The following NCS1 variants were observed in gnomAD, a reference collection of about 807,000 sequenced individuals.
NCS1 encodes the protein frequenin homolog.
NCS1 carries 6 observed loss-of-function variants against 28.4 expected under a neutral mutation model. The observed-to-expected ratio is 0.21, with a 90% CI of 0.12 to 0.42. The LOEUF (loss-of-function observed/expected upper bound fraction) is 0.42. NCS1 is among the 10% of genes least tolerant of loss of function. NCS1 has a pLI of 1.00. For synonymous variants in NCS1, 86 were observed against 99.3 expected, an observed-to-expected ratio of 0.87 and a Z score of 0.79; for missense variants, 131 against 241.4, an observed-to-expected ratio of 0.54 and a Z score of 3.03.
intron 1 of NCS1, chr9:130,200,546 C>T (rs897324023): frequency 4.5e-6 from 7 of 1,551,186 alleles, no homozygotes; most frequent in East Asian, 2.4e-5. Flanking sequence ...GTGGGGCAGC[C>T]GAGTGCCTGG....
At chr9:130,197,967 G>GAA (rs35362310) in intron 1 of NCS1, among the ~76,000 whole-genome samples, 6 of 124,598 alleles carry the variant, frequency 4.8e-5, no homozygotes, top group Non-Finnish European at 1.0e-4. Context: ...TTTGTCTCCA[G>GAA]AAAAAAAAAA....
At chr9:130,213,990 C>T (rs1242145401) in intron 2 of NCS1, among the ~76,000 whole-genome samples, 1 of 152,252 alleles carries the variant, frequency 6.6e-6, no homozygotes, top group Non-Finnish European at 1.5e-5. Context: ...GCCAACTGGG[C>T]TCTTGTTCCC....
At position 130,223,102 on chromosome 9, in the gene NCS1, A is replaced by T; in HGVS notation, c.417A>T (p.Pro139=). 2 of 1,606,948 alleles carry T rather than the reference A, an allele frequency of 1.2e-6. No individual in the cohort carries two copies. The highest frequency in any genetic ancestry group is 8.5e-7 in the Non-Finnish European group (1 of 1,175,660). The change falls in exon 6 of 8, where the codon CCA becomes CCT. Residue 139 remains proline (P), a synonymous_variant. Coordinates refer to ENST00000372398, the MANE Select transcript of NCS1 (RefSeq NM_014286.4). Reference sequence around the variant, plus strand: ...TGCAGGGGAATACCGTGGAGCTCCCAGAGGAGGAGAACACTCCTGAGAAGA... The same window carrying T: ...TGCAGGGGAATACCGTGGAGCTCCCTGAGGAGGAGAACACTCCTGAGAAGA... The part of the protein sequence containing the change: ...YQMVGNTVEL[P]EEENTPEKRV...
intron 2 of NCS1, among the ~76,000 whole-genome samples, chr9:130,207,518 AGAG>A (rs1833042148): frequency 6.6e-6 from 1 of 152,136 alleles, no homozygotes; most frequent in South Asian, 2.1e-4. Flanking sequence ...AGCTGCTCAG[AGAG>A]GAGGTCCCTG....
intron 4 of NCS1, among the ~76,000 whole-genome samples, chr9:130,221,377 C>CAT (rs370084084): frequency 1.2e-4 from 10 of 84,720 alleles, no homozygotes; most frequent in African/African-American, 3.2e-4. Context: ...TATAAAATAT[C>CAT]ATATATATAT....
intron 4 of NCS1, among the ~76,000 whole-genome samples, chr9:130,221,393 TATATATATATATATATATATAG>T (rs1445888793): frequency 8.3e-4 from 47 of 56,682 alleles, no homozygotes; most frequent in South Asian, 6.2e-3. Flanking sequence ...TATATATATA[TATATATATATATATATATATAG>T]AGAGAGAGAG....
chr9:130,227,537 G>T (rs1554911574), intron 7 of NCS1, among the ~76,000 whole-genome samples: 1 of 152,206 alleles, frequency 6.6e-6, no homozygotes, highest in Admixed American at 6.5e-5. Context: ...GAGAGTTCCA[G>T]TTGCTCCACA....
intron 1 of NCS1, among the ~76,000 whole-genome samples, chr9:130,193,572 T>C (rs528729804): frequency 6.6e-6 from 1 of 151,898 alleles, no homozygotes; most frequent in South Asian, 2.1e-4. Context: ...GGCGATCCCT[T>C]TGGGCCACGT....
At chr9:130,182,087 T>C (rs1832666962) in intron 1 of NCS1, among the ~76,000 whole-genome samples, 1 of 151,770 alleles carries the variant, frequency 6.6e-6, no homozygotes, top group Non-Finnish European at 1.5e-5. Context: ...ACGACCACCG[T>C]TTACCCAGTG....
chr9:130,212,510 C>G (rs893826537), intron 2 of NCS1, among the ~76,000 whole-genome samples: 1 of 149,058 alleles, frequency 6.7e-6, no homozygotes, highest in African/African-American at 2.5e-5. Flanking sequence ...GTATGAGCCA[C>G]TTACTTTACT....
intron 4 of NCS1, among the ~76,000 whole-genome samples, chr9:130,220,136 C>T (rs1554910028): frequency 6.6e-6 from 1 of 152,188 alleles, no homozygotes; most frequent in African/African-American, 2.4e-5. Context: ...CTGGCAGGAG[C>T]CTTGGCTGCA....
chr9:130,223,072 G>A lies in NCS1; in HGVS notation c.397-10G>A, dbSNP rs782767830. 13 of 1,613,188 alleles carry A rather than the reference G, an allele frequency of 8.1e-6. No homozygotes were observed. Among genetic ancestry groups the A allele is most frequent in the African/African-American group, 1.3e-5 (1 of 74,992 alleles). On this transcript the variant is annotated splice_polypyrimidine_tract_variant and intron_variant, in intron 5 of 7. Transcript: ENST00000372398. ...GCCAGGGCCCACCCCCGCCTTGTCCGTCCCTGCAGGGGAATACCGTGGAGC... is the reference window on the plus strand; with the variant it reads ...GCCAGGGCCCACCCCCGCCTTGTCCATCCCTGCAGGGGAATACCGTGGAGC...
Position 130,191,429 on chromosome 9 carries a change from C to A in NCS1, c.65-9529C>A, listed in dbSNP as rs1554906243. Among the ~76,000 whole-genome samples the A allele has an allele frequency of 6.6e-6, 1 of 152,162 alleles. No individual in the cohort carries two copies. Among genetic ancestry groups the A allele is most frequent in the Non-Finnish European group, 1.5e-5 (1 of 68,026 alleles). ...GATCCCCCAACAGGTGAAATACCCC[C>A]CGATTCGAGTGCTCAGCCTTCCTCC... is the stretch of plus-strand genomic sequence containing the variant. On this transcript the variant is annotated intron_variant, in intron 1 of 7. Transcript: ENST00000372398. The surrounding 1 kb of genome is among the most constrained non-coding windows in gnomAD (Gnocchi z 6.4).
rs185446873 is a variant in NCS1, at chr9:130,224,633, G to T, written c.474+1474G>T. Among the ~76,000 whole-genome samples the T allele has an allele frequency of 7.2e-5, 11 of 151,888 alleles. No homozygotes were observed. The East Asian group carries it at 2.1e-3, about 29-fold the overall frequency. ...GGGTGGAGGGTGAGAGGAGGGTGAG[G>T]ATCGAAACCCACCTATTATCAGGTA... On this transcript the variant is annotated intron_variant, in intron 6 of 7. Coordinates refer to ENST00000372398, the MANE Select transcript of NCS1 (RefSeq NM_014286.4).
At chr9:130,225,212 A>C (rs1481260403) in intron 6 of NCS1, among the ~76,000 whole-genome samples, 1 of 152,226 alleles carries the variant, frequency 6.6e-6, no homozygotes, top group African/African-American at 2.4e-5. Flanking sequence ...TCGATCAGTC[A>C]ATCATAGAAA....
At position 130,191,657 on chromosome 9, in the gene NCS1, G is replaced by A. The variant is rs1364050438; in HGVS notation, c.65-9301G>A. Among the ~76,000 whole-genome samples, 2 of 152,202 alleles carry A rather than the reference G, an allele frequency of 1.3e-5. No homozygotes were observed. Among genetic ancestry groups the A allele is most frequent in the African/African-American group, 2.4e-5 (1 of 41,454 alleles). The stretch of plus-strand genomic sequence containing the variant: ...CATGGCCCCCTGGGCTGTGTGAGAC[G>A]CTAATGAAATGAGGGTTCAGGCTGG... On this transcript the variant is annotated intron_variant, in intron 1 of 7. Coordinates refer to ENST00000372398, the MANE Select transcript of NCS1 (RefSeq NM_014286.4). The surrounding 1 kb of genome is among the most constrained non-coding windows in gnomAD (Gnocchi z 6.4).
At chr9:130,200,773 G>A (rs1362002583) in intron 1 of NCS1, among the ~76,000 whole-genome samples, 185 bp from the exon 2 acceptor site, 2 of 152,196 alleles carry the variant, frequency 1.3e-5, no homozygotes, top group African/African-American at 4.8e-5. Context: ...CTGGGGTGGT[G>A]GGTACAGAGC....
At chr9:130,228,639 G>T (rs1260115982) in intron 7 of NCS1, among the ~76,000 whole-genome samples, 2 of 151,194 alleles carry the variant, frequency 1.3e-5, no homozygotes, top group Admixed American at 1.3e-4. Context: ...TTTTGTTTAG[G>T]AGGTCTACAC....
chr9:130,216,409 C>T (rs116025379), intron 2 of NCS1, among the ~76,000 whole-genome samples: 3,670 of 152,238 alleles, frequency 0.024, 144 homozygotes, highest in African/African-American at 0.081. Context: ...GAGCCTGTTT[C>T]TTCATCTGTA....
Sources: gnomAD v4.1 joint callset for allele counts (sites outside exome capture counted in the v4.1 genomes callset) on GRCh38, gnomAD v4.1.1 for gene constraint, Gnocchi (gnomAD v3.1) non-coding constraint, MANE v1.5 for transcripts, NCBI Gene and HGNC (gene_info 2026-07-23, HGNC 2026-07-21) for gene names.